The following STX1B variants were observed in gnomAD, a reference collection of about 807,000 sequenced individuals.
The protein encoded by STX1B is syntaxin 1B, also known as syntaxin-1B.
In STX1B, 7 loss-of-function variants were observed where a neutral mutation model predicts 39.4. The observed-to-expected ratio is 0.18, with a 90% CI of 0.10 to 0.33. The LOEUF (loss-of-function observed/expected upper bound fraction) is 0.33, where lower values mean the gene tolerates loss of function less well. Ranked by LOEUF, STX1B falls within the 10% of genes least tolerant of loss-of-function variation. The pLI is 1.00. For synonymous variants in STX1B, 136 were observed against 144.1 expected (o/e 0.94, Z 0.40); for missense variants, 198 against 383.2 (o/e 0.52, Z 4.04).
chr16:31,003,016 G>T (rs888241851), intron 1 of STX1B, among the ~76,000 whole-genome samples: 3 of 152,122 alleles, frequency 2.0e-5, no homozygotes, highest in African/African-American at 7.2e-5. Context: ...AGCTCAGATT[G>T]AACCTAGACA....
chr16:30,995,072 TG>T (rs1394178363), intron 7 of STX1B, among the ~76,000 whole-genome samples: 5 of 151,766 alleles, frequency 3.3e-5, no homozygotes, highest in African/African-American at 9.7e-5. Context: ...CCACCATGCC[TG>T]GCTAATTAAA....
intron 4 of STX1B, 100 bp downstream of exon 4, chr16:31,000,828 G>T: frequency 8.4e-7 from 1 of 1,195,362 alleles, no homozygotes; most frequent in Non-Finnish European, 1.2e-6. Flanking sequence ...TGAACTCCTG[G>T]GATTGAGCAA....
intron 7 of STX1B, among the ~76,000 whole-genome samples, chr16:30,993,861 T>G (rs1336986010): frequency 2.0e-5 from 3 of 152,070 alleles, no homozygotes; most frequent in Non-Finnish European, 4.4e-5. Flanking sequence ...GGTGGGCACC[T>G]GTAATCATAG....
At chr16:31,003,012 G>T (rs746819813) in intron 1 of STX1B, among the ~76,000 whole-genome samples, 10 of 152,162 alleles carry the variant, frequency 6.6e-5, no homozygotes, top group Non-Finnish European at 1.5e-4. Flanking sequence ...AGACAGCTCA[G>T]ATTGAACCTA....
chr16:30,992,807 AG>A lies in STX1B; in HGVS notation c.*13del, dbSNP rs1380503615. On this transcript the variant is annotated 3_prime_UTR_variant, in exon 10 of 10. Coordinates refer to ENST00000215095, the MANE Select transcript of STX1B (RefSeq NM_052874.5). ...GTGGGGGAAGGGTCTGGGAGAGAGA[AG>A]GGTGGGGGGGGCCTACAAGCCCAGC... is the stretch of plus-strand genomic sequence containing the variant. 3.1e-6 allele frequency: 4 copies of A among 1,305,762 alleles called. No individual in the cohort carries two copies. Among genetic ancestry groups the A allele is most frequent in the Non-Finnish European group, 4.0e-6 (4 of 1,000,884 alleles). The allele number at this position is 1,305,762 out of a possible 1,614,324, so 80.9% of individuals were successfully genotyped here.
chr16:31,003,823 A>C (rs1266816411), intron 1 of STX1B, among the ~76,000 whole-genome samples: 1 of 152,182 alleles, frequency 6.6e-6, no homozygotes, highest in Non-Finnish European at 1.5e-5. Context: ...ACACTTTTAC[A>C]TCCATAATCC....
intron 5 of STX1B, 135 bp from the exon 6 acceptor site, chr16:30,997,194 G>C: frequency 1.5e-6 from 1 of 682,318 alleles, no homozygotes; most frequent in East Asian, 2.7e-5. Context: ...ATTAGTTTAC[G>C]GTCCCTTCTT....
intron 1 of STX1B, 62 bp downstream of exon 1, chr16:31,010,305 T>C (rs1432656712): frequency 1.0e-5 from 4 of 386,112 alleles, no homozygotes; most frequent in Non-Finnish European, 1.4e-5. Flanking sequence ...CCCCACTCCA[T>C]CCCCACGCGC....
At chr16:31,000,772 T>A (rs975937751) in intron 4 of STX1B, 156 bp downstream of exon 4, 13 of 745,440 alleles carry the variant, frequency 1.7e-5, no homozygotes, top group African/African-American at 3.5e-5. Context: ...CTAATTTTTG[T>A]ATTTTTTGTA....
intron 7 of STX1B, among the ~76,000 whole-genome samples, chr16:30,994,590 A>G (rs2056581895): frequency 1.4e-5 from 2 of 140,922 alleles, no homozygotes; most frequent in South Asian, 4.3e-4. Flanking sequence ...ACCATGCTGA[A>G]AAAAAAAAAA....
At position 31,010,347 on chromosome 16, in the gene STX1B, C is replaced by T. The variant is rs1290474471; in HGVS notation, c.30+20G>A. 6 of 657,802 alleles carry T rather than the reference C, an allele frequency of 9.1e-6. No homozygotes were observed. Among genetic ancestry groups the T allele is most frequent in the African/African-American group, 1.9e-5 (1 of 53,486 alleles). The allele number at this position is 657,802 out of a possible 1,614,324, so 40.7% of individuals were successfully genotyped here. On this transcript the variant is annotated intron_variant, in intron 1 of 9. Transcript: ENST00000215095. ...AATATTGGGGTCCCGCCCCCCCATTCTCCCCACCCCCAAGCTCACACTCCG... is the reference window on the plus strand; with the variant it reads ...AATATTGGGGTCCCGCCCCCCCATTTTCCCCACCCCCAAGCTCACACTCCG...
rs376749662 is a variant in STX1B at position 30,998,496 on chromosome 16, C to T, written c.281-921G>A. Reference sequence around the variant, plus strand: ...CCCAGATTGGGGCCCGACTGTCAGCCTTGGGGCTGGGGTCAAGTCCGGAGG... The same window carrying T: ...CCCAGATTGGGGCCCGACTGTCAGCTTTGGGGCTGGGGTCAAGTCCGGAGG... On this transcript the variant is annotated intron_variant, in intron 4 of 9. Transcript: ENST00000215095. Among the ~76,000 whole-genome samples the T allele has an allele frequency of 2.1e-3, 319 of 152,372 alleles. 5 individuals are homozygous for T. In the South Asian group the frequency reaches 0.065, roughly 31 times the overall value.
At position 30,992,684 on chromosome 16, in the gene STX1B, G is replaced by T. The variant is rs1368080769; in HGVS notation, c.*137C>A. 1.7e-5 allele frequency: 10 copies of T among 594,190 alleles called. No individual in the cohort carries two copies. Among genetic ancestry groups the T allele is most frequent in the African/African-American group, 1.7e-4 (9 of 53,604 alleles). 36.8% of individuals were successfully genotyped at this position (594,190 alleles called of 1,614,324 possible). On this transcript the variant is annotated 3_prime_UTR_variant, in exon 10 of 10. Transcript: ENST00000215095. Reference sequence around the variant, plus strand: ...CCCGGTGAGGTCCAGGGACACCAGGGTCTGCCGTGGGGGTGGGGCTGCCTG... The same window carrying T: ...CCCGGTGAGGTCCAGGGACACCAGGTTCTGCCGTGGGGGTGGGGCTGCCTG...
In STX1B at chr16:30,990,367, C is replaced by G. The variant is rs2056546040; in HGVS notation, c.*2454G>C. The G allele has an allele frequency of 6.6e-6, 1 of 152,284 alleles. No homozygotes were observed. Among genetic ancestry groups the G allele is most frequent in the Non-Finnish European group, 1.5e-5 (1 of 68,108 alleles). 9.4% of individuals were successfully genotyped at this position (152,284 alleles called of 1,614,324 possible). On this transcript the variant is annotated 3_prime_UTR_variant, in exon 10 of 10. Transcript: ENST00000215095. ...TGCAGAGGGGCGTTCTGGGAAGGGA[C>G]AGGCAGGCCCCCAGCTCAGGACAGC...
intron 1 of STX1B, among the ~76,000 whole-genome samples, chr16:31,004,156 CG>C (rs2056645326): frequency 6.6e-6 from 1 of 152,214 alleles, no homozygotes; most frequent in South Asian, 2.1e-4. Context: ...GTATTTTTTG[CG>C]TAAGTCTTAC....
chr16:30,992,382 C>A lies in STX1B; in HGVS notation c.*439G>T, dbSNP rs111945819. The A allele has an allele frequency of 1.4e-4, 25 of 172,448 alleles. No individual in the cohort carries two copies. The highest frequency in any genetic ancestry group is 1.7e-4 in the East Asian group (1 of 5,998). The allele number at this position is 172,448 out of a possible 1,614,324, so 10.7% of individuals were successfully genotyped here. On this transcript the variant is annotated 3_prime_UTR_variant, in exon 10 of 10. Coordinates refer to ENST00000215095, the MANE Select transcript of STX1B (RefSeq NM_052874.5). Reference sequence around the variant, plus strand: ...AGATCTGTGGTCTCACGCACGCACACACACTGTTCACAGAGGACAGAGAGG... The same window carrying A: ...AGATCTGTGGTCTCACGCACGCACAAACACTGTTCACAGAGGACAGAGAGG...
Position 30,992,387 on chromosome 16 carries a change from T to C in STX1B, c.*434A>G. Reference sequence around the variant, plus strand: ...TGTGGTCTCACGCACGCACACACACTGTTCACAGAGGACAGAGAGGGCGTG... The same window carrying C: ...TGTGGTCTCACGCACGCACACACACCGTTCACAGAGGACAGAGAGGGCGTG... On this transcript the variant is annotated 3_prime_UTR_variant, in exon 10 of 10. Coordinates refer to ENST00000215095, the MANE Select transcript of STX1B (RefSeq NM_052874.5). 1 of 173,458 alleles carries C rather than the reference T, an allele frequency of 5.8e-6. No individual in the cohort carries two copies. Among genetic ancestry groups the C allele is most frequent in the Non-Finnish European group, 1.2e-5 (1 of 81,834 alleles). 10.7% of individuals were successfully genotyped at this position (173,458 alleles called of 1,614,324 possible). A position where few individuals can be genotyped will look rare whatever the true frequency, so the allele number is the denominator to read the frequency against.
At chr16:30,998,041 T>C (rs999917314) in intron 4 of STX1B, among the ~76,000 whole-genome samples, 3 of 152,218 alleles carry the variant, frequency 2.0e-5, no homozygotes, top group African/African-American at 7.2e-5. Flanking sequence ...GATCAGGTTC[T>C]AGTGGCCCCT....
intron 1 of STX1B, among the ~76,000 whole-genome samples, chr16:31,003,471 C>T (rs960783262): frequency 2.0e-5 from 3 of 152,168 alleles, no homozygotes; most frequent in African/African-American, 7.2e-5. Flanking sequence ...TCCCCTAGAG[C>T]CAAAAGCCTT....
Sources: gnomAD v4.1 joint callset for allele counts (sites outside exome capture counted in the v4.1 genomes callset) on GRCh38, gnomAD v4.1.1 for gene constraint, MANE v1.5 for transcripts, NCBI Gene and HGNC (gene_info 2026-07-23, HGNC 2026-07-21) for gene names.